The following DKKL1 variants were observed in gnomAD, a reference collection of about 807,000 sequenced individuals.
The protein encoded by DKKL1 is dickkopf like acrosomal protein 1, also known as dickkopf-like protein 1.
A neutral mutation model predicts 16.5 loss-of-function variants in DKKL1; 11 were observed. The observed-to-expected ratio is 0.67, with a 90% CI of 0.42 to 1.10. The LOEUF (loss-of-function observed/expected upper bound fraction) is 1.10, where lower values mean the gene tolerates loss of function less well. Among genes scored for constraint, DKKL1 ranks in the 50% least tolerant of loss-of-function variants. The probability of loss-of-function intolerance (pLI) is 0.00; values close to 1 mark genes in which losing one functional copy is unlikely to be tolerated. For synonymous variants in DKKL1, 119 were observed against 133.2 expected, an observed-to-expected ratio of 0.89 and a Z score of 0.73; for missense variants, 320 against 308.1, an observed-to-expected ratio of 1.04 and a Z score of -0.29.
In DKKL1 at chr19:49,374,799, T is replaced by C. The variant is rs1568598916; in HGVS notation, c.500T>C (p.Val167Ala). The C allele has an allele frequency of 6.2e-6, 10 of 1,612,432 alleles. No homozygotes were observed. The highest frequency in any genetic ancestry group is 7.6e-6 in the Non-Finnish European group (9 of 1,179,064). Residue 167 changes from valine to alanine, a missense_variant, in exon 5 of 5, where the codon GTG (valine) becomes GCG (alanine). Val to Ala is a moderately conservative substitution (Grantham distance 64). Coordinates refer to ENST00000221498, the MANE Select transcript of DKKL1 (RefSeq NM_014419.4). The stretch of plus-strand genomic sequence containing the variant: ...TTCCACACAGAACTCCATCCCCGGG[T>C]GGCCTTCTGGATCATTAAGCTGCCA... ...DSFHTELHPR[V>A]AFWIIKLPRR...
chr19:49,361,670 CG>C (rs1341488778), upstream of DKKL1: 2 of 152,508 alleles, frequency 1.3e-5, no homozygotes, highest in African/African-American at 4.8e-5. Context: ...TTCCGGAGGC[CG>C]GGAACAGGGA....
upstream of DKKL1, chr19:49,362,935 GT>G (rs1333841695): frequency 7.0e-4 from 56 of 80,158 alleles, no homozygotes; most frequent in Middle Eastern, 5.3e-3. Context: ...TGTTTTTTTT[GT>G]TTTTTTTTTT....
chr19:49,371,058 G>C (rs552084019), intron 4 of DKKL1: 1 of 152,278 alleles, frequency 6.6e-6, no homozygotes, highest in South Asian at 2.1e-4. Context: ...GAGCAGATAT[G>C]GAAGAGTCCA....
upstream of DKKL1, chr19:49,362,930 T>G (rs573610071): frequency 1.2e-4 from 16 of 133,132 alleles, no homozygotes; most frequent in African/African-American, 4.9e-4. Context: ...TTTTTTGTTT[T>G]TTTTGTTTTT....
At position 49,364,604 on chromosome 19, in the gene DKKL1, G is replaced by C; in HGVS notation, c.33G>C (p.Arg11Ser). The C allele has an allele frequency of 6.2e-7, 1 of 1,612,506 alleles. No individual in the cohort carries two copies. Among genetic ancestry groups the C allele is most frequent in the Non-Finnish European group, 8.5e-7 (1 of 1,179,808 alleles). The stretch of plus-strand genomic sequence containing the variant: ...CAGCCTCCCCACCTGCCCCCGCAAG[G>C]CGGCATCTGCTGGTCCTGCTGCTGC... MGEASPPAPA[R>S]RHLLVLLLLL... The change falls in exon 2 of 5, where the codon AGG becomes AGC. Residue 11 changes from arginine to serine, a missense_variant. Transcript: ENST00000221498.
rs576586238 is a variant in DKKL1 at position 49,364,761 on chromosome 19, G to A, written c.183+7G>A. ...CAGCCGACTTTTCCTGAAAGTAAGC[G>A]ATGGCGGGGGGATGGGGGAAGAAGT... On this transcript the variant is annotated splice_region_variant and intron_variant, in intron 2 of 4. Transcript: ENST00000221498. The A allele has an allele frequency of 3.2e-4, 522 of 1,611,442 alleles. 7 individuals are homozygous for A. In the South Asian group the frequency reaches 5.3e-3, roughly 16 times the overall value.
At chr19:49,363,677 TG>T, upstream of DKKL1, 1 of 427,200 alleles carries the variant, frequency 2.3e-6, no homozygotes. Flanking sequence ...GTGGTCTGAC[TG>T]TGTGGGCGTG....
chr19:49,373,169 G>A (rs947597819), intron 4 of DKKL1, among the ~76,000 whole-genome samples: 4 of 151,890 alleles, frequency 2.6e-5, no homozygotes, highest in Non-Finnish European at 5.9e-5. Flanking sequence ...CTGGCATGGT[G>A]CCATGCCCCT....
Position 49,375,062 on chromosome 19 carries a change from C to T in DKKL1, c.*34C>T. 6.4e-7 allele frequency: 1 copy of T among 1,557,880 alleles called. No homozygotes were observed. Among genetic ancestry groups the T allele is most frequent in the Non-Finnish European group, 8.7e-7 (1 of 1,153,476 alleles). ...ACCGGGGAGCACCTGCCTGTAGCCC[C>T]CATCAGACCCTGCCCCAAGCACCAT... On this transcript the variant is annotated 3_prime_UTR_variant, in exon 5 of 5. Transcript: ENST00000221498.
At chr19:49,367,443 G>A (rs1364852365) in intron 4 of DKKL1, among the ~76,000 whole-genome samples, 9 of 139,340 alleles carry the variant, frequency 6.5e-5, no homozygotes, top group Admixed American at 1.5e-4. Flanking sequence ...AGTCTCGCTC[G>A]TCCCCCAGGC....
intron 4 of DKKL1, chr19:49,368,853 G>A (rs953317357): frequency 1.8e-4 from 27 of 152,256 alleles, no homozygotes; most frequent in African/African-American, 6.5e-4. Context: ...TGGTCTCGAC[G>A]TGCTCAAGCA....
intron 2 of DKKL1, 146 bp downstream of exon 2, chr19:49,364,900 G>GA: frequency 1.9e-6 from 2 of 1,046,204 alleles, no homozygotes; most frequent in Non-Finnish European, 2.8e-6. Context: ...GAAGGGACTG[G>GA]GCCCAGGCTA....
intron 4 of DKKL1, among the ~76,000 whole-genome samples, chr19:49,367,433 A>T: frequency 6.9e-6 from 1 of 144,374 alleles, no homozygotes; most frequent in African/African-American, 2.6e-5. Context: ...TTGGAGACGA[A>T]GTCTCGCTCG....
At chr19:49,372,261 T>C (rs1373863020) in intron 4 of DKKL1, among the ~76,000 whole-genome samples, 1 of 152,124 alleles carries the variant, frequency 6.6e-6, no homozygotes, top group African/African-American at 2.4e-5. Context: ...CTCTATCCAC[T>C]AGAGAGAAGT....
intron 2 of DKKL1, 151 bp downstream of exon 2, chr19:49,364,905 A>T: frequency 9.9e-7 from 1 of 1,009,816 alleles, no homozygotes; most frequent in Non-Finnish European, 1.4e-6. Flanking sequence ...GACTGGGCCC[A>T]GGCTATAATC....
chr19:49,371,398 C>G (rs576697105), intron 4 of DKKL1, among the ~76,000 whole-genome samples: 15 of 152,262 alleles, frequency 9.9e-5, no homozygotes, highest in African/African-American at 3.6e-4. Flanking sequence ...TTTCTTTAAC[C>G]TGTTTTAAGA....
At chr19:49,365,178 A>AT (rs1402962193) in intron 2 of DKKL1, among the ~76,000 whole-genome samples, 7 of 152,002 alleles carry the variant, frequency 4.6e-5, no homozygotes, top group African/African-American at 1.7e-4. Flanking sequence ...CTAAACAAAT[A>AT]AATATATACG....
chr19:49,364,347 C>CA (rs566267475), intron 1 of DKKL1, among the ~76,000 whole-genome samples: 23,946 of 76,512 alleles, frequency 0.31, 2,800 homozygotes, highest in Non-Finnish European at 0.34. Flanking sequence ...GTCTCGGTCT[C>CA]AAAAAAAAAA....
chr19:49,364,124 C>T, intron 1 of DKKL1, 116 bp downstream of exon 1: 1 of 1,397,136 alleles, frequency 7.2e-7, no homozygotes, highest in South Asian at 1.3e-5. Context: ...CCCAGGTGGG[C>T]GGATCGCTTG....
Sources: allele counts gnomAD v4.1 joint callset (sites outside exome capture counted in the v4.1 genomes callset), GRCh38; gene constraint gnomAD v4.1.1; transcripts MANE v1.5; gene names NCBI Gene and HGNC (gene_info 2026-07-23, HGNC 2026-07-21).